Variants in PLCE1 observed in about 807,000 individuals in gnomAD.
The protein encoded by PLCE1 is 1-phosphatidylinositol 4,5-bisphosphate phosphodiesterase epsilon-1.
PLCE1 carries 119 observed loss-of-function variants against 242.8 expected under a neutral mutation model. The observed-to-expected ratio is 0.49, with a 90% CI of 0.42 to 0.57. The LOEUF is 0.57. Among genes scored for constraint, PLCE1 ranks in the 20% least tolerant of loss-of-function variants. The probability of loss-of-function intolerance (pLI) is 0.00; values close to 1 mark genes in which losing one functional copy is unlikely to be tolerated. For synonymous variants in PLCE1, 945 were observed against 1,017.4 expected, an observed-to-expected ratio of 0.93 and a Z score of 1.35; for missense variants, 2,441 against 2,788.8, an observed-to-expected ratio of 0.88 and a Z score of 2.81.
At chr10:94,024,883 T>A (rs1486836862) in intron 1 of PLCE1, among the ~76,000 whole-genome samples, 2 of 152,138 alleles carry the variant, frequency 1.3e-5, no homozygotes, top group South Asian at 4.1e-4. Context: ...ATTCAAGCAT[T>A]CTGAGCCTTA....
intron 2 of PLCE1, among the ~76,000 whole-genome samples, chr10:94,086,500 TA>T (rs1438453205): frequency 6.6e-6 from 1 of 152,212 alleles, no homozygotes; most frequent in Non-Finnish European, 1.5e-5. Flanking sequence ...CATTGTCCTT[TA>T]TATCTCTGTT....
At chr10:94,049,507 C>G (rs904719249) in intron 2 of PLCE1, among the ~76,000 whole-genome samples, 2 of 152,148 alleles carry the variant, frequency 1.3e-5, no homozygotes, top group African/African-American at 4.8e-5. Context: ...ATCACTGTGC[C>G]AGTAACATTA....
rs564879389 is a variant in PLCE1, at chr10:94,032,127, T to C, written c.1081T>C (p.Trp361Arg). The C allele has an allele frequency of 4.1e-5, 66 of 1,609,546 alleles. No homozygotes were observed. The South Asian group carries it at 6.2e-4, about 15-fold the overall frequency. The change falls in exon 2 of 33, where the codon TGG becomes CGG. Residue 361 changes from tryptophan to arginine, a missense_variant. Trp to Arg is a moderately radical substitution (Grantham distance 101). This residue lies in a region of PLCE1 where 733 missense variants were observed against 754.2 expected (regional missense o/e 0.97). Coordinates refer to ENST00000371380, the MANE Select transcript of PLCE1 (RefSeq NM_016341.4). ...TTCTGGCCACATTGGGCTGACTGCA[T>C]GGAGTTACATAGATCAGAAGAGAAA... ...LPSGHIGLTA[W>R]SYIDQKRNGP...
chr10:94,184,035 A>C (rs1041219250), intron 4 of PLCE1, among the ~76,000 whole-genome samples: 2 of 152,168 alleles, frequency 1.3e-5, no homozygotes, highest in African/African-American at 2.4e-5. Context: ...AACTATCAGC[A>C]AGTTTCATTT....
At chr10:94,158,942 C>T (rs1421322901) in intron 3 of PLCE1, among the ~76,000 whole-genome samples, 4 of 149,832 alleles carry the variant, frequency 2.7e-5, no homozygotes, top group African/African-American at 4.9e-5. Context: ...CCTCAACCTC[C>T]GCCTCCTGGG....
chr10:94,312,530 G>T (rs1381587062), intron 27 of PLCE1, among the ~76,000 whole-genome samples: 1 of 152,170 alleles, frequency 6.6e-6, no homozygotes, highest in Non-Finnish European at 1.5e-5. Context: ...GGTCCTTCAA[G>T]ATTTGGTTCA....
chr10:94,323,377 G>A (rs1230237714), intron 30 of PLCE1, among the ~76,000 whole-genome samples: 1 of 152,204 alleles, frequency 6.6e-6, no homozygotes, highest in Admixed American at 6.5e-5. Context: ...TCTGAGACCT[G>A]GAGTAAAAGC....
chr10:94,037,866 A>G (rs1216452831), intron 2 of PLCE1, among the ~76,000 whole-genome samples: 1 of 152,196 alleles, frequency 6.6e-6, no homozygotes, highest in African/African-American at 2.4e-5. Context: ...GTGTAAGGTA[A>G]ATGCACTGGT....
intron 1 of PLCE1, among the ~76,000 whole-genome samples, chr10:93,997,276 A>G (rs888280168): frequency 1.3e-5 from 2 of 152,192 alleles, no homozygotes; most frequent in South Asian, 2.1e-4. Flanking sequence ...AGAACTACAC[A>G]TATATTTTTA....
rs1440919623 is a variant in PLCE1 at position 94,254,252 on chromosome 10, G to A, written c.3342G>A (p.Glu1114=). 5 of 1,613,984 alleles carry A rather than the reference G, an allele frequency of 3.1e-6. No individual in the cohort carries two copies. The highest frequency in any genetic ancestry group is 4.2e-6 in the Non-Finnish European group (5 of 1,179,972). The change falls in exon 10 of 33, where the codon GAG becomes GAA. Residue 1114 remains glutamate, a synonymous_variant. Coordinates refer to ENST00000371380, the MANE Select transcript of PLCE1 (RefSeq NM_016341.4). The stretch of plus-strand genomic sequence containing the variant: ...CCCGAAAGGCCAAGATGCACAAAGA[G>A]TGTCGAAGCCGGAGTGGTTCTGATC... ...MATRKAKMHK[E]CRSRSGSDPQ...
chr10:94,171,965 G>A (rs930618937), intron 4 of PLCE1, among the ~76,000 whole-genome samples: 4 of 152,162 alleles, frequency 2.6e-5, no homozygotes, highest in African/African-American at 9.7e-5. Context: ...GGCAGGAAAC[G>A]TGGGGCAATT....
intron 4 of PLCE1, among the ~76,000 whole-genome samples, chr10:94,179,530 T>TTTTTTTTTTTTTTTTTTTTTTTTTTGA (rs10636243): frequency 2.5e-5 from 3 of 118,826 alleles, no homozygotes; most frequent in African/African-American, 6.4e-5. Context: ...TTTTTTTTTT[T>TTTTTTTTTTTTTTTTTTTTTTTTTTGA]GACAGGGTCT....
intron 2 of PLCE1, among the ~76,000 whole-genome samples, chr10:94,130,936 C>T (rs1414081802): frequency 1.3e-5 from 2 of 152,190 alleles, no homozygotes; most frequent in Non-Finnish European, 2.9e-5. Flanking sequence ...TCAGTGTCAC[C>T]GAAGGAGGTG....
At chr10:94,230,320 T>C (rs559366202) in intron 5 of PLCE1, among the ~76,000 whole-genome samples, 2 of 152,338 alleles carry the variant, frequency 1.3e-5, no homozygotes, top group South Asian at 2.1e-4. Context: ...AAATGATGTT[T>C]ATAAAAAACA....
In PLCE1 at chr10:94,329,470, TA is replaced by T. The variant is rs1252987627; in HGVS notation, c.*1532del. 6.6e-6 allele frequency: 1 copy of T among 152,162 alleles called. No individual in the cohort carries two copies. The highest frequency in any genetic ancestry group is 1.5e-5 in the Non-Finnish European group (1 of 68,024). The allele number at this position is 152,162 out of a possible 1,614,324, so 9.4% of individuals were successfully genotyped here. A position where few individuals can be genotyped will look rare whatever the true frequency, so the allele number is the denominator to read the frequency against. ...ATCCCCATGTGTTTCTTGCATATTC[TA>T]AAAACAGAAGTGTTAAAAATACACC... is the stretch of plus-strand genomic sequence containing the variant. On this transcript the variant is annotated 3_prime_UTR_variant, in exon 33 of 33. Transcript: ENST00000371380.
intron 4 of PLCE1, among the ~76,000 whole-genome samples, chr10:94,182,376 C>T (rs918624868): frequency 3.3e-5 from 5 of 151,946 alleles, no homozygotes; most frequent in East Asian, 3.9e-4. Flanking sequence ...AAGCAATTCT[C>T]GTGCCTCAGC....
chr10:94,146,620 TA>T (rs376185364), intron 3 of PLCE1, among the ~76,000 whole-genome samples: 86 of 152,228 alleles, frequency 5.6e-4, no homozygotes, highest in African/African-American at 2.0e-3. Flanking sequence ...CCAAGCAGAA[TA>T]AACAAACCCC....
At position 94,032,207 on chromosome 10, in the gene PLCE1, A is replaced by G. The variant is rs1028504203; in HGVS notation, c.1161A>G (p.Ile387Met). The G allele has an allele frequency of 6.2e-7, 1 of 1,613,266 alleles. No individual in the cohort carries two copies. The highest frequency in any genetic ancestry group is 8.5e-7 in the Non-Finnish European group (1 of 1,179,608). The change falls in exon 2 of 33, where the codon ATA (isoleucine) becomes ATG (methionine). Residue 387 changes from isoleucine to methionine, a missense_variant. Physicochemically the swap from Ile to Met is conservative, Grantham distance 10 (BLOSUM62 1). This residue lies in a region of PLCE1 where 733 missense variants were observed against 754.2 expected (regional missense o/e 0.97). Coordinates refer to ENST00000371380, the MANE Select transcript of PLCE1 (RefSeq NM_016341.4). ...RVMEPPSTVE[I>M]RQDGSQRLSE... ...TGGAACCCCCGTCAACAGTGGAGAT[A>G]AGGCAAGATGGGAGCCAACGTCTGT...
At position 94,236,175 on chromosome 10, in the gene PLCE1, A is replaced by G. The variant is rs1017272869; in HGVS notation, c.2420+55A>G. The stretch of plus-strand genomic sequence containing the variant: ...GCTCATCTCTTCTTTTTTCCTGTTG[A>G]TGAGTTGTTTCCTACTTCAGCTTAG... On this transcript the variant is annotated intron_variant, in intron 7 of 32. Coordinates refer to ENST00000371380, the MANE Select transcript of PLCE1 (RefSeq NM_016341.4). 4 of 1,464,090 alleles carry G rather than the reference A, an allele frequency of 2.7e-6. No individual in the cohort carries two copies. In the Admixed American group the frequency reaches 7.3e-5, roughly 27 times the overall value. 90.7% of individuals were successfully genotyped at this position (1,464,090 alleles called of 1,614,324 possible).
Sources: allele counts gnomAD v4.1 joint callset (sites outside exome capture counted in the v4.1 genomes callset), GRCh38; gene constraint gnomAD v4.1.1; regional missense constraint gnomAD v4.1.1; transcripts MANE v1.5; gene names NCBI Gene and HGNC (gene_info 2026-07-23, HGNC 2026-07-21).